The following TMEM117 variants were observed in gnomAD, a reference collection of about 807,000 sequenced individuals.
TMEM117 encodes the protein transmembrane protein 117.
Under a neutral mutation model 52.4 loss-of-function variants are expected in TMEM117, and 27 were observed. The observed-to-expected ratio is 0.51, with a 90% CI of 0.38 to 0.71. The LOEUF (loss-of-function observed/expected upper bound fraction) is 0.71. Ranked by LOEUF, TMEM117 falls within the 30% of genes least tolerant of loss-of-function variation. The probability of loss-of-function intolerance (pLI) is 0.00; values close to 1 mark genes in which losing one functional copy is unlikely to be tolerated. For synonymous variants in TMEM117, 215 were observed against 206.3 expected (o/e 1.04, Z -0.36); for missense variants, 556 against 630.5 (o/e 0.88, Z 1.26).
chr12:43,812,799 G>A, the TMEM117 span, among the ~76,000 whole-genome samples: 2 of 150,280 alleles, frequency 1.3e-5, no homozygotes, highest in Non-Finnish European at 2.9e-5. Flanking sequence ...GAGGGAAGGA[G>A]TTCGAGACCA....
chr12:44,152,335 T>C (rs1464085791), intron 4 of TMEM117, among the ~76,000 whole-genome samples: 1 of 111,138 alleles, frequency 9.0e-6, no homozygotes, highest in African/African-American at 3.8e-5. Flanking sequence ...ATATATATAT[T>C]ATATATAAAT....
At chr12:44,194,568 G>A (rs544434657) in intron 4 of TMEM117, among the ~76,000 whole-genome samples, 180 of 152,284 alleles carry the variant, frequency 1.2e-3, no homozygotes, top group Middle Eastern at 3.4e-3. Context: ...ATCCCAGCCT[G>A]TAATCCCAGC....
intron 3 of TMEM117, among the ~76,000 whole-genome samples, chr12:44,086,769 C>A (rs2138029898): frequency 6.6e-6 from 1 of 152,074 alleles, no homozygotes; most frequent in African/African-American, 2.4e-5. Flanking sequence ...ACAGTTTTTA[C>A]TTTTAGCCAT....
chr12:44,022,188 G>A (rs779549597), intron 3 of TMEM117, among the ~76,000 whole-genome samples: 15 of 152,194 alleles, frequency 9.9e-5, no homozygotes, highest in Non-Finnish European at 2.1e-4. Context: ...CCTTGAGTTT[G>A]AGCCTTGATT....
intron 5 of TMEM117, among the ~76,000 whole-genome samples, chr12:44,226,751 A>G (rs1351291716): frequency 6.6e-6 from 1 of 151,888 alleles, no homozygotes. Context: ...ATGTGAAGAC[A>G]CAGGGCAAAG....
chr12:44,241,315 A>G (rs973666918), intron 5 of TMEM117, among the ~76,000 whole-genome samples: 1 of 151,810 alleles, frequency 6.6e-6, no homozygotes, highest in Non-Finnish European at 1.5e-5. Flanking sequence ...ATATCTGATA[A>G]TTTGGGCTTT....
chr12:43,985,202 T>G (rs1344938342), intron 3 of TMEM117, among the ~76,000 whole-genome samples: 1 of 152,198 alleles, frequency 6.6e-6, no homozygotes, highest in Non-Finnish European at 1.5e-5. Context: ...CGTTATCTTC[T>G]GTGCTCACCA....
At chr12:43,995,582 A>G (rs773750451) in intron 3 of TMEM117, among the ~76,000 whole-genome samples, 1 of 152,172 alleles carries the variant, frequency 6.6e-6, no homozygotes, top group Non-Finnish European at 1.5e-5. Context: ...GTTTGGTTGC[A>G]TGGAAAAGTT....
Position 44,295,012 on chromosome 12 carries a change from T to C in TMEM117, c.609-4568T>C, listed in dbSNP as rs568378583. 2.6e-5 allele frequency among the ~76,000 whole-genome samples: 4 copies of C among 152,248 alleles called. No homozygotes were observed. In the South Asian group the frequency reaches 8.3e-4, roughly 32 times the overall value. On this transcript the variant is annotated intron_variant, in intron 5 of 7. Transcript: ENST00000266534. ...GTGTCTCAGAAAAATATTCTCTGGGTGGGTCCTTCTTTAGATTCTTTGAGC... is the reference window on the plus strand; with the variant it reads ...GTGTCTCAGAAAAATATTCTCTGGGCGGGTCCTTCTTTAGATTCTTTGAGC...
At chr12:44,034,135 T>A (rs1946675607) in intron 3 of TMEM117, among the ~76,000 whole-genome samples, 2 of 152,226 alleles carry the variant, frequency 1.3e-5, no homozygotes, top group Non-Finnish European at 2.9e-5. Flanking sequence ...GAAAACAATT[T>A]CTTTCTTAGG....
chr12:44,141,713 A>G lies in TMEM117; in HGVS notation c.411-1812A>G, dbSNP rs547285460. Reference sequence around the variant, plus strand: ...AATCCTTTATAGTAATGTTGAGTTCACTGACCAAGAGCTGTTCAGTGATTG... The same window carrying G: ...AATCCTTTATAGTAATGTTGAGTTCGCTGACCAAGAGCTGTTCAGTGATTG... On this transcript the variant is annotated intron_variant, in intron 3 of 7. Coordinates refer to ENST00000266534, the MANE Select transcript of TMEM117 (RefSeq NM_032256.3). Among the ~76,000 whole-genome samples, 28 of 152,246 alleles carry G rather than the reference A, an allele frequency of 1.8e-4. 1 individual carries two copies. The highest frequency in any genetic ancestry group is 5.3e-4 in the African/African-American group (22 of 41,550).
At chr12:43,904,459 C>T (rs1209830660) in intron 2 of TMEM117, among the ~76,000 whole-genome samples, 1 of 152,064 alleles carries the variant, frequency 6.6e-6, no homozygotes, top group Non-Finnish European at 1.5e-5. Flanking sequence ...ATTTTAATGT[C>T]CCCAATCCTA....
intron 3 of TMEM117, among the ~76,000 whole-genome samples, chr12:44,088,999 C>T (rs574155426): frequency 6.6e-6 from 1 of 152,292 alleles, no homozygotes; most frequent in South Asian, 2.1e-4. Context: ...ATCAAAATGA[C>T]AGCACCTGTA....
intron 6 of TMEM117, among the ~76,000 whole-genome samples, chr12:44,312,175 A>G (rs1201243211): frequency 1.3e-5 from 2 of 151,920 alleles, no homozygotes; most frequent in Non-Finnish European, 2.9e-5. Flanking sequence ...TGATGATCCT[A>G]TCATCTATGG....
At chr12:44,139,112 C>T (rs1948534065) in intron 3 of TMEM117, among the ~76,000 whole-genome samples, 1 of 152,102 alleles carries the variant, frequency 6.6e-6, no homozygotes, top group Non-Finnish European at 1.5e-5. Flanking sequence ...CCAAACATGG[C>T]TGAGAGAGAC....
At chr12:43,862,911 G>C (rs934499542) in intron 2 of TMEM117, among the ~76,000 whole-genome samples, 1 of 152,158 alleles carries the variant, frequency 6.6e-6, no homozygotes, top group African/African-American at 2.4e-5. Context: ...AGGTTGCAGT[G>C]AGCTGAGATT....
chr12:44,345,871 T>C (rs1951479827), intron 6 of TMEM117, among the ~76,000 whole-genome samples: 1 of 152,098 alleles, frequency 6.6e-6, no homozygotes, highest in Non-Finnish European at 1.5e-5. Flanking sequence ...TAAATAGGAT[T>C]ATAATTAGGC....
the TMEM117 span, among the ~76,000 whole-genome samples, chr12:43,828,015 C>T: frequency 6.6e-6 from 1 of 152,212 alleles, no homozygotes; most frequent in Non-Finnish European, 1.5e-5. Context: ...AAGGAAGATT[C>T]TCTTCTAGAA....
intron 5 of TMEM117, among the ~76,000 whole-genome samples, chr12:44,251,721 T>G (rs1333826498): frequency 6.6e-6 from 1 of 152,250 alleles, no homozygotes; most frequent in Non-Finnish European, 1.5e-5. Context: ...AGTTAGTAAC[T>G]CTATACCCTG....
Sources: allele counts gnomAD v4.1 joint callset (sites outside exome capture counted in the v4.1 genomes callset), GRCh38; gene constraint gnomAD v4.1.1; transcripts MANE v1.5; gene names NCBI Gene and HGNC (gene_info 2026-07-23, HGNC 2026-07-21).